Variants in BCKDHB observed in about 807,000 individuals in gnomAD.
The protein encoded by BCKDHB is branched chain keto acid dehydrogenase E1 subunit beta.
Under a neutral mutation model 48.5 loss-of-function variants are expected in BCKDHB, and 41 were observed. The ratio of observed to expected loss-of-function variants is 0.85; its 90% CI spans 0.66 to 1.10. The LOEUF (loss-of-function observed/expected upper bound fraction) is 1.10, where lower values mean the gene tolerates loss of function less well. Among genes scored for constraint, BCKDHB ranks in the 50% least tolerant of loss-of-function variants. The pLI, the probability that BCKDHB is intolerant of heterozygous loss-of-function variation, is 0.00. For missense variants in BCKDHB, 496 were observed against 494.2 expected, an observed-to-expected ratio of 1.00 and a Z score of -0.03; for synonymous variants, 201 against 174.8, an observed-to-expected ratio of 1.15 and a Z score of -1.18.
chr6:80,157,552 G>A (rs1213623021), intron 3 of BCKDHB, among the ~76,000 whole-genome samples: 1 of 138,028 alleles, frequency 7.2e-6, no homozygotes, highest in Non-Finnish European at 1.5e-5. Flanking sequence ...CGCAACCTCC[G>A]CCTCCCAGGT....
chr6:80,382,091 A>G, the BCKDHB span, among the ~76,000 whole-genome samples: 1 of 152,142 alleles, frequency 6.6e-6, no homozygotes, highest in Non-Finnish European at 1.5e-5. Flanking sequence ...GAGGAAGCAG[A>G]TGTTGAAAAT....
chr6:80,283,995 A>G (rs1766504122), intron 9 of BCKDHB, among the ~76,000 whole-genome samples: 2 of 152,024 alleles, frequency 1.3e-5, no homozygotes, highest in African/African-American at 2.4e-5. Flanking sequence ...TGTATTCACA[A>G]TCAGTAACAG....
chr6:80,436,744 T>G, the BCKDHB span, among the ~76,000 whole-genome samples: 2 of 152,266 alleles, frequency 1.3e-5, no homozygotes, highest in Non-Finnish European at 2.9e-5. Flanking sequence ...TTGAAGAAGA[T>G]CTACAGTTTA....
At chr6:80,299,342 C>T (rs1054627185) in intron 9 of BCKDHB, among the ~76,000 whole-genome samples, 1 of 152,104 alleles carries the variant, frequency 6.6e-6, no homozygotes, top group Non-Finnish European at 1.5e-5. Flanking sequence ...CAATATGGTC[C>T]CTTCTGTGTT....
intron 8 of BCKDHB, among the ~76,000 whole-genome samples, chr6:80,268,837 C>T (rs1173108262): frequency 2.0e-5 from 3 of 152,092 alleles, no homozygotes; most frequent in East Asian, 3.9e-4. Context: ...ATCATTTTAA[C>T]AGAGTATAAC....
rs535962304 is a variant in BCKDHB at position 80,344,448 on chromosome 6, C to T, written c.*644C>T. On this transcript the variant is annotated 3_prime_UTR_variant, in exon 10 of 10. Coordinates refer to ENST00000320393, the MANE Select transcript of BCKDHB (RefSeq NM_183050.4). Reference sequence around the variant, plus strand: ...GCAACCTCTGCCTCCCAGGTTCAAGCGATTGTCCTGCCTCAGTCTCCTGAG... The same window carrying T: ...GCAACCTCTGCCTCCCAGGTTCAAGTGATTGTCCTGCCTCAGTCTCCTGAG... 9.0e-5 allele frequency: 14 copies of T among 155,294 alleles called. No individual in the cohort carries two copies. The highest frequency in any genetic ancestry group is 3.1e-4 in the Admixed American group (5 of 15,944). 9.6% of individuals were successfully genotyped at this position (155,294 alleles called of 1,614,324 possible).
the BCKDHB span, among the ~76,000 whole-genome samples, chr6:80,436,335 T>C: frequency 3.3e-5 from 5 of 151,850 alleles, no homozygotes; most frequent in African/African-American, 1.2e-4. Flanking sequence ...ATTTTGCTTT[T>C]GTATTTTTAG....
intron 9 of BCKDHB, among the ~76,000 whole-genome samples, chr6:80,302,554 C>T (rs1327445109): frequency 1.3e-5 from 2 of 152,094 alleles, no homozygotes; most frequent in Non-Finnish European, 2.9e-5. Context: ...GTTCAAAATG[C>T]TGACTTTCCT....
chr6:80,117,890 C>CTG (rs1769791896), intron 1 of BCKDHB, among the ~76,000 whole-genome samples: 2 of 152,044 alleles, frequency 1.3e-5, no homozygotes, highest in Non-Finnish European at 2.9e-5. Context: ...CTCTATATTT[C>CTG]TGTGTGTGTG....
At chr6:80,339,640 C>T (rs1193307266) in intron 9 of BCKDHB, among the ~76,000 whole-genome samples, 1 of 152,132 alleles carries the variant, frequency 6.6e-6, no homozygotes, top group Non-Finnish European at 1.5e-5. Context: ...TACCCAGGAC[C>T]ATCTGTTCAT....
intron 8 of BCKDHB, among the ~76,000 whole-genome samples, chr6:80,240,547 A>G (rs1246288574): frequency 1.3e-5 from 2 of 152,176 alleles, no homozygotes; most frequent in African/African-American, 4.8e-5. Context: ...GTTGCTTATC[A>G]GCTTAAGGAG....
At chr6:80,349,960 CAG>C (rs539192785), downstream of BCKDHB, among the ~76,000 whole-genome samples, 28 of 152,044 alleles carry the variant, frequency 1.8e-4, no homozygotes, top group South Asian at 3.9e-3. Context: ...TTTCCACAAA[CAG>C]AAACTATATC....
chr6:80,431,114 A>C, the BCKDHB span, among the ~76,000 whole-genome samples: 11 of 152,126 alleles, frequency 7.2e-5, no homozygotes, highest in African/African-American at 2.7e-4. Flanking sequence ...TTCAGTTTCC[A>C]TATAGTTGTG....
At chr6:80,413,311 T>C in the BCKDHB span, among the ~76,000 whole-genome samples, 1 of 152,194 alleles carries the variant, frequency 6.6e-6, no homozygotes, top group Admixed American at 6.5e-5. Flanking sequence ...TTTTTTAAAC[T>C]ATTAAGTTCA....
chr6:80,412,727 T>C, the BCKDHB span, among the ~76,000 whole-genome samples: 1 of 152,180 alleles, frequency 6.6e-6, no homozygotes, highest in South Asian at 2.1e-4. Context: ...ACCAACTCCT[T>C]CAGCTTTTGT....
In BCKDHB at chr6:80,322,040, G is replaced by A. The variant is rs1452669712; in HGVS notation, c.1039-21624G>A. Among the ~76,000 whole-genome samples the A allele has an allele frequency of 3.3e-5, 5 of 152,236 alleles. No homozygotes were observed. In the East Asian group the frequency reaches 9.7e-4, roughly 29 times the overall value. On this transcript the variant is annotated intron_variant, in intron 9 of 9. Transcript: ENST00000320393. The stretch of plus-strand genomic sequence containing the variant: ...TGCTCCAAGGAGCATTCATTTAAGA[G>A]GAGGGATGCTCCTATTTGGGTCTTC...
chr6:80,265,622 G>T (rs111741492), intron 8 of BCKDHB, among the ~76,000 whole-genome samples: 260 of 152,130 alleles, frequency 1.7e-3, no homozygotes, highest in African/African-American at 6.0e-3. Context: ...GAGACGGATG[G>T]TCGTGATGGT....
At chr6:80,435,026 C>T in the BCKDHB span, among the ~76,000 whole-genome samples, 3 of 152,150 alleles carry the variant, frequency 2.0e-5, no homozygotes, top group Admixed American at 6.6e-5. Context: ...ATTCTAATCT[C>T]GAACTTAGAA....
the BCKDHB span, among the ~76,000 whole-genome samples, chr6:80,405,986 C>T: frequency 6.6e-6 from 1 of 152,088 alleles, no homozygotes; most frequent in South Asian, 2.1e-4. Flanking sequence ...AGGCCCCCGC[C>T]CCCACCAGGC....
Sources: gnomAD v4.1 joint callset for allele counts (sites outside exome capture counted in the v4.1 genomes callset) on GRCh38, gnomAD v4.1.1 for gene constraint, MANE v1.5 for transcripts, NCBI Gene and HGNC (gene_info 2026-07-23, HGNC 2026-07-21) for gene names.